The following SEMA3D variants were observed in gnomAD, a reference collection of about 807,000 sequenced individuals.
SEMA3D encodes the protein semaphorin 3D.
In SEMA3D, 84 loss-of-function variants were observed where a neutral mutation model predicts 100.1. The ratio of observed to expected loss-of-function variants is 0.84; its 90% CI spans 0.70 to 1.01. The LOEUF (loss-of-function observed/expected upper bound fraction) is 1.01. Ranked by LOEUF, SEMA3D falls within the 50% of genes least tolerant of loss-of-function variation. SEMA3D has a pLI of 0.00. For missense variants in SEMA3D, 875 were observed against 934.1 expected (o/e 0.94, Z 0.82); for synonymous variants, 312 against 320.7 (o/e 0.97, Z 0.29).
chr7:85,038,698 T>C (rs896476529), intron 11 of SEMA3D, among the ~76,000 whole-genome samples: 1 of 152,154 alleles, frequency 6.6e-6, no homozygotes, highest in Non-Finnish European at 1.5e-5. Context: ...ATTGGAAAGG[T>C]GCCAAGAGAA....
chr7:85,001,017 A>C (rs1209164497), intron 18 of SEMA3D, among the ~76,000 whole-genome samples: 3 of 152,194 alleles, frequency 2.0e-5, no homozygotes, highest in African/African-American at 7.2e-5. Flanking sequence ...CAGTGGGTGG[A>C]TTGTACTCTG....
the SEMA3D span, among the ~76,000 whole-genome samples, chr7:85,200,554 A>T: frequency 6.6e-6 from 1 of 152,216 alleles, no homozygotes; most frequent in African/African-American, 2.4e-5. Flanking sequence ...GGGTGCTGTT[A>T]AAGACATTCA....
At chr7:85,051,037 C>A (rs1446320452) in intron 9 of SEMA3D, among the ~76,000 whole-genome samples, 1 of 151,866 alleles carries the variant, frequency 6.6e-6, no homozygotes, top group Non-Finnish European at 1.5e-5. Context: ...ACATGTCAAT[C>A]TCTTATAGTA....
intron 12 of SEMA3D, among the ~76,000 whole-genome samples, chr7:85,025,186 C>T (rs1019138399): frequency 1.3e-5 from 2 of 151,948 alleles, no homozygotes; most frequent in Non-Finnish European, 2.9e-5. Flanking sequence ...TCTTAATTTG[C>T]CAGATTAGCT....
intron 8 of SEMA3D, among the ~76,000 whole-genome samples, chr7:85,056,894 T>TATATATATATATATATAC (rs1791334085): frequency 7.6e-6 from 1 of 132,274 alleles, no homozygotes; most frequent in Non-Finnish European, 1.5e-5. Flanking sequence ...ATACAGCATA[T>TATATATATATATATATAC]ATATATATAT....
At position 85,055,756 on chromosome 7, in the gene SEMA3D, G is replaced by A. The variant is rs552162067; in HGVS notation, c.822C>T (p.Ser274=). ...CAACTCGAGAAAGGATGGTTTTATC[G>A]GAGGTACTGCCTTCTTGAGATGATT... ...FRESSQEGST[S]DKTILSRVGR... is the part of the protein sequence containing the mutation. The change falls in exon 9 of 19, where the codon TCC becomes TCT. Residue 274 remains serine (S), a synonymous_variant. Transcript: ENST00000284136. 4.6e-4 allele frequency: 717 copies of A among 1,548,940 alleles called. 13 individuals carry two copies. The South Asian group carries it at 7.3e-3, about 16-fold the overall frequency.
intron 12 of SEMA3D, among the ~76,000 whole-genome samples, chr7:85,032,693 T>C (rs1249904368): frequency 6.6e-6 from 1 of 152,118 alleles, no homozygotes; most frequent in Non-Finnish European, 1.5e-5. Context: ...GGTTTCTGCT[T>C]ATCTAAAGAG....
chr7:85,232,446 A>T, the SEMA3D span, among the ~76,000 whole-genome samples: 1 of 152,160 alleles, frequency 6.6e-6, no homozygotes, highest in Non-Finnish European at 1.5e-5. Context: ...AGATTTCCGT[A>T]AAAAAGGTGG....
chr7:85,117,522 TA>T (rs2116388589), intron 3 of SEMA3D, among the ~76,000 whole-genome samples: 1 of 152,268 alleles, frequency 6.6e-6, no homozygotes, highest in African/African-American at 2.4e-5. Flanking sequence ...CTCACTCCTA[TA>T]AGCCCAGCAT....
intron 4 of SEMA3D, among the ~76,000 whole-genome samples, chr7:85,087,301 T>C (rs1477802742): frequency 6.6e-6 from 1 of 152,218 alleles, no homozygotes; most frequent in Non-Finnish European, 1.5e-5. Context: ...AATTCTTAAC[T>C]AACCTTGTGC....
chr7:85,002,049 T>C (rs137916535), intron 18 of SEMA3D, among the ~76,000 whole-genome samples: 6 of 152,300 alleles, frequency 3.9e-5, no homozygotes, highest in South Asian at 2.1e-4. Flanking sequence ...CTCACCCATA[T>C]TGTGTAACAC....
the SEMA3D span, among the ~76,000 whole-genome samples, chr7:85,217,107 A>G: frequency 3.3e-5 from 5 of 152,126 alleles, no homozygotes; most frequent in Admixed American, 6.6e-5. Context: ...ATATAAAGAC[A>G]TAATACAAAG....
At chr7:85,022,654 C>T in intron 12 of SEMA3D, 41 bp from the exon 13 acceptor site, 1 of 1,311,416 alleles carries the variant, frequency 7.6e-7, no homozygotes, top group East Asian at 2.3e-5. Context: ...ATTGTTTATG[C>T]ACCTGAGAAG....
intron 3 of SEMA3D, among the ~76,000 whole-genome samples, chr7:85,099,184 C>T (rs181635465): frequency 5.9e-5 from 9 of 152,042 alleles, no homozygotes; most frequent in Non-Finnish European, 8.8e-5. Context: ...GCTGTGTCCC[C>T]ACCCAAATCT....
At chr7:85,011,938 C>CGT (rs980722873) in intron 17 of SEMA3D, among the ~76,000 whole-genome samples, 7 of 151,222 alleles carry the variant, frequency 4.6e-5, no homozygotes, top group African/African-American at 1.7e-4. Flanking sequence ...TCCACCTGTT[C>CGT]GTGTGTGTGT....
In SEMA3D at chr7:84,996,633, CAT is replaced by C. The variant is rs1175598044; in HGVS notation, c.*2805_*2806del. 1.3e-5 allele frequency: 2 copies of C among 152,332 alleles called. No individual in the cohort carries two copies. Among genetic ancestry groups the C allele is most frequent in the African/African-American group, 4.8e-5 (2 of 41,440 alleles). The allele number at this position is 152,332 out of a possible 1,614,324, so 9.4% of individuals were successfully genotyped here. A position where few individuals can be genotyped will look rare whatever the true frequency, so the allele number is the denominator to read the frequency against. On this transcript the variant is annotated 3_prime_UTR_variant, in exon 19 of 19. Coordinates refer to ENST00000284136, the MANE Select transcript of SEMA3D (RefSeq NM_001384900.1). ...TAAGTTGAATGTAAATGAATGCAGA[CAT>C]GCGGGATTCTATTTAGCAGCATAAA...
intron 9 of SEMA3D, among the ~76,000 whole-genome samples, chr7:85,042,725 C>T (rs908223679): frequency 3.3e-5 from 5 of 152,094 alleles, no homozygotes; most frequent in African/African-American, 7.2e-5. Context: ...CAAGCTGGAG[C>T]GCAGTAATTA....
At chr7:85,175,603 A>G (rs915120898) in intron 1 of SEMA3D, among the ~76,000 whole-genome samples, 1 of 152,200 alleles carries the variant, frequency 6.6e-6, no homozygotes, top group African/African-American at 2.4e-5. Context: ...GCTACTTTAC[A>G]GGTGATAGAA....
At chr7:85,212,791 C>A in the SEMA3D span, among the ~76,000 whole-genome samples, 27 of 151,892 alleles carry the variant, frequency 1.8e-4, no homozygotes, top group East Asian at 5.2e-3. Flanking sequence ...ACTATTTACT[C>A]TTTATTTTTA....
Sources: allele counts gnomAD v4.1 joint callset (sites outside exome capture counted in the v4.1 genomes callset), GRCh38; gene constraint gnomAD v4.1.1; transcripts MANE v1.5; gene names NCBI Gene and HGNC (gene_info 2026-07-23, HGNC 2026-07-21).